CC2D2B: variants seen among roughly 807,000 people sequenced by gnomAD.
CC2D2B encodes protein CC2D2B.
A neutral mutation model predicts 161.2 loss-of-function variants in CC2D2B; 128 were observed. The ratio of observed to expected loss-of-function variants is 0.79; its 90% CI spans 0.69 to 0.92. CC2D2B has a LOEUF of 0.92. Ranked by LOEUF, CC2D2B falls within the 40% of genes least tolerant of loss-of-function variation. The pLI is 0.00. For missense variants in CC2D2B, 1,173 were observed against 1,375.1 expected (o/e 0.85, Z 2.32); for synonymous variants, 391 against 449.8 (o/e 0.87, Z 1.65).
intron 30 of CC2D2B, among the ~76,000 whole-genome samples, chr10:96,016,750 C>T (rs748587725): frequency 6.6e-6 from 1 of 152,070 alleles, no homozygotes; most frequent in Non-Finnish European, 1.5e-5. Flanking sequence ...GATGGAGTTT[C>T]GCTCTTGCTG....
At chr10:95,978,572 G>C (rs931074129) in intron 17 of CC2D2B, among the ~76,000 whole-genome samples, 1 of 152,064 alleles carries the variant, frequency 6.6e-6, no homozygotes, top group African/African-American at 2.4e-5. Flanking sequence ...AGGAGGTCTT[G>C]CTATGTTGCC....
Position 96,025,175 on chromosome 10 carries a change from ATATATAT to A in CC2D2B, c.3947+265_3947+271del, listed in dbSNP as rs1328885650. ...AAAAAATATATATATATATATATAT[ATATATAT>A]ATAAAAAAAAATATATATATATATA... On this transcript the variant is annotated intron_variant, in intron 33 of 34. Transcript: ENST00000646931. Among the ~76,000 whole-genome samples, 494 of 52,448 alleles carry A rather than the reference ATATATAT, an allele frequency of 9.4e-3. 18 individuals carry two copies. The highest frequency in any genetic ancestry group is 0.02 in the East Asian group (15 of 768). The allele number at this position is 52,448 out of a possible 152,430, so 34.4% of individuals were successfully genotyped here.
chr10:95,917,004 A>G (rs2098517546), intron 2 of CC2D2B, among the ~76,000 whole-genome samples: 3 of 152,118 alleles, frequency 2.0e-5, no homozygotes, highest in Non-Finnish European at 4.4e-5. Context: ...GTCTCCAACT[A>G]TTGCTGCATT....
intron 15 of CC2D2B, among the ~76,000 whole-genome samples, chr10:95,969,688 C>G (rs531783009): frequency 1.1e-4 from 16 of 152,182 alleles, no homozygotes; most frequent in African/African-American, 3.6e-4. Context: ...GGTTTCCACT[C>G]TCTTACAATG....
At position 95,938,419 on chromosome 10, in the gene CC2D2B, C is replaced by T. The variant is rs896583908; in HGVS notation, c.536-150C>T. 13 of 592,040 alleles carry T rather than the reference C, an allele frequency of 2.2e-5. No individual in the cohort carries two copies. The Admixed American group carries it at 2.3e-4, about 10-fold the overall frequency. 36.7% of individuals were successfully genotyped at this position (592,040 alleles called of 1,614,324 possible). On this transcript the variant is annotated intron_variant, in intron 7 of 34. Coordinates refer to ENST00000646931, the MANE Select transcript of CC2D2B (RefSeq NM_001349008.3). ...TGTATTTATATATAGAGAGAGAGAG[C>T]GAGCGAGAAAGTAAGAGACAGTGAG...
chr10:96,013,861 T>C lies in CC2D2B; in HGVS notation c.3500T>C (p.Ile1167Thr), dbSNP rs772147924. Residue 1167 changes from isoleucine to threonine, a missense_variant, in exon 29 of 35, where the codon ATA becomes ACA. Physicochemically the swap from Ile to Thr is moderately conservative, Grantham distance 89. Around this residue, in one of 3 missense-constraint regions of CC2D2B, gnomAD observed 598 missense variants for 693.2 expected, o/e 0.86. Coordinates refer to ENST00000646931, the MANE Select transcript of CC2D2B (RefSeq NM_001349008.3). ...NTPDENDGSDIWMTSEHCISL... is the reference protein window; with the variant it reads ...NTPDENDGSDTWMTSEHCISL... Reference sequence around the variant, plus strand: ...CCAGATGAAAATGATGGCTCTGATATATGGATGACATCAGAGGTAATAAAT... The same window carrying C: ...CCAGATGAAAATGATGGCTCTGATACATGGATGACATCAGAGGTAATAAAT... The C allele has an allele frequency of 3.2e-6, 5 of 1,581,850 alleles. No individual in the cohort carries two copies. Among genetic ancestry groups the C allele is most frequent in the Middle Eastern group, 1.7e-4 (1 of 6,002 alleles).
Position 95,924,368 on chromosome 10 carries a change from G to A in CC2D2B, c.152G>A (p.Arg51Lys). Residue 51 changes from arginine (R) to lysine (K), a missense_variant, in exon 4 of 35, where the codon AGA becomes AAA. Physicochemically the swap from Arg to Lys is conservative, Grantham distance 26. This residue lies in a region of CC2D2B where 298 missense variants were observed against 261.2 expected (regional missense o/e 1.14). Transcript: ENST00000646931. ...NVAKTLRGKVREKLKISKINK... is the reference protein window; with the variant it reads ...NVAKTLRGKVKEKLKISKINK... ...GCAAAGACATTGAGAGGCAAAGTGAGAGAAAAGCTAAAAATTTCTAAGGTA... is the reference window on the plus strand; with the variant it reads ...GCAAAGACATTGAGAGGCAAAGTGAAAGAAAAGCTAAAAATTTCTAAGGTA... 1 of 1,519,640 alleles carries A rather than the reference G, an allele frequency of 6.6e-7. No individual in the cohort carries two copies. Among genetic ancestry groups the A allele is most frequent in the African/African-American group, 1.4e-5 (1 of 71,446 alleles). The allele number at this position is 1,519,640 out of a possible 1,614,324, so 94.1% of individuals were successfully genotyped here.
intron 9 of CC2D2B, among the ~76,000 whole-genome samples, chr10:95,943,231 G>A (rs59867115): frequency 6.6e-6 from 1 of 152,074 alleles, no homozygotes; most frequent in Non-Finnish European, 1.5e-5. Context: ...TGTACTTTCT[G>A]GTGCATTTCT....
rs200228956 is a variant in CC2D2B at position 95,990,329 on chromosome 10, AG to A, written c.2380-1039del. On this transcript the variant is annotated intron_variant, in intron 20 of 34. Transcript: ENST00000646931. The stretch of plus-strand genomic sequence containing the variant: ...GAAGTGGTCAAAGAATCCGGTAAGA[AG>A]GTAACACTTCTGCAAAAGACCTAAA... 5.8e-3 allele frequency among the ~76,000 whole-genome samples: 891 copies of A among 152,322 alleles called. 8 individuals carry two copies. Among genetic ancestry groups the A allele is most frequent in the Middle Eastern group, 0.024 (7 of 294 alleles).
intron 22 of CC2D2B, among the ~76,000 whole-genome samples, chr10:95,993,946 G>GTGTATA (rs2078109501): frequency 6.9e-5 from 2 of 29,006 alleles, no homozygotes; most frequent in Admixed American, 3.8e-4. Context: ...GTGTGTGTAT[G>GTGTATA]TATGTGTATA....
intron 11 of CC2D2B, among the ~76,000 whole-genome samples, chr10:95,959,747 A>T (rs2076698437): frequency 6.7e-6 from 1 of 150,344 alleles, no homozygotes; most frequent in Admixed American, 6.7e-5. Flanking sequence ...AACTTAACAT[A>T]CTAATACAAT....
At chr10:95,924,471 A>G in intron 4 of CC2D2B, 81 bp downstream of exon 4, 1 of 759,204 alleles carries the variant, frequency 1.3e-6, no homozygotes, top group Non-Finnish European at 2.1e-6. Flanking sequence ...CTTTGTCAAA[A>G]GAGCCGAAAT....
chr10:96,012,804 T>A, intron 28 of CC2D2B, 75 bp downstream of exon 28: 1 of 950,188 alleles, frequency 1.1e-6, no homozygotes, highest in Non-Finnish European at 1.7e-6. Flanking sequence ...ACCTTTTGTG[T>A]ATTTGGGTTC....
chr10:96,031,640 G>A (rs1389413921), intron 34 of CC2D2B, among the ~76,000 whole-genome samples, 180 bp from the exon 35 acceptor site: 1 of 152,154 alleles, frequency 6.6e-6, no homozygotes, highest in African/African-American at 2.4e-5. Context: ...GTTGTTTGAG[G>A]ATTAAATATG....
Position 95,949,716 on chromosome 10 carries a change from A to G in CC2D2B, c.802-180A>G, listed in dbSNP as rs139352893. ...GATTAAAATGCTGTAATATAAATAT[A>G]TTTGATGAAATTAAGGGCCATAATC... is the stretch of plus-strand genomic sequence containing the variant. On this transcript the variant is annotated intron_variant, in intron 9 of 34. Coordinates refer to ENST00000646931, the MANE Select transcript of CC2D2B (RefSeq NM_001349008.3). 7.2e-5 allele frequency among the ~76,000 whole-genome samples: 11 copies of G among 152,232 alleles called. No homozygotes were observed. In the East Asian group the frequency reaches 2.1e-3, roughly 29 times the overall value.
intron 29 of CC2D2B, among the ~76,000 whole-genome samples, chr10:96,015,882 G>T (rs12770030): frequency 0.18 from 26,786 of 152,064 alleles, 2,481 homozygotes; most frequent in Admixed American, 0.21. Context: ...ATATGTCCCT[G>T]CTTGCCCAGG....
At chr10:95,980,225 G>A (rs1246469159) in intron 17 of CC2D2B, among the ~76,000 whole-genome samples, 3 of 152,044 alleles carry the variant, frequency 2.0e-5, no homozygotes, top group Non-Finnish European at 4.4e-5. Context: ...GAAGGAGGGA[G>A]GGAAAAATCT....
chr10:95,995,960 C>A (rs939185487), intron 23 of CC2D2B, among the ~76,000 whole-genome samples, 183 bp from the exon 24 acceptor site: 10 of 152,016 alleles, frequency 6.6e-5, no homozygotes, highest in African/African-American at 2.4e-4. Context: ...TCTTTAGATC[C>A]TAGAAAAGTA....
chr10:95,924,301 G>T lies in CC2D2B; in HGVS notation c.98-13G>T. The stretch of plus-strand genomic sequence containing the variant: ...AGTGTCATAAACTCTTTATTATGTT[G>T]GTTTCCTGATAGATTTAGATGCAGA... On this transcript the variant is annotated splice_polypyrimidine_tract_variant and intron_variant, in intron 3 of 34. Coordinates refer to ENST00000646931, the MANE Select transcript of CC2D2B (RefSeq NM_001349008.3). The T allele has an allele frequency of 7.0e-7, 1 of 1,419,280 alleles. No individual in the cohort carries two copies. The highest frequency in any genetic ancestry group is 1.4e-5 in the South Asian group (1 of 72,756). The allele number at this position is 1,419,280 out of a possible 1,614,324, so 87.9% of individuals were successfully genotyped here.
Sources: allele counts gnomAD v4.1 joint callset (sites outside exome capture counted in the v4.1 genomes callset), GRCh38; gene constraint gnomAD v4.1.1; regional missense constraint gnomAD v4.1.1; transcripts MANE v1.5; gene names NCBI Gene and HGNC (gene_info 2026-07-23, HGNC 2026-07-21).